Variants in CRISP2 observed in about 807,000 individuals in gnomAD.
The protein encoded by CRISP2 is cysteine-rich secretory protein 2.
A neutral mutation model predicts 31.7 loss-of-function variants in CRISP2; 29 were observed. The observed-to-expected ratio is 0.92, with a 90% CI of 0.68 to 1.25. The LOEUF (loss-of-function observed/expected upper bound fraction) is 1.25. Ranked by LOEUF, CRISP2 falls within the 50% of genes most tolerant of loss-of-function variation. The pLI, the probability that CRISP2 is intolerant of heterozygous loss-of-function variation, is 0.00. For synonymous variants in CRISP2, 111 were observed against 101.4 expected (o/e 1.09, Z -0.57); for missense variants, 318 against 286.5 (o/e 1.11, Z -0.79).
the CRISP2 span, among the ~76,000 whole-genome samples, chr6:49,683,225 G>A: frequency 1.3e-5 from 2 of 151,346 alleles, no homozygotes; most frequent in Admixed American, 6.6e-5. Flanking sequence ...ATACAATACA[G>A]CACACAAAAT....
intron 6 of CRISP2, among the ~76,000 whole-genome samples, 189 bp downstream of exon 6, chr6:49,699,615 T>C (rs116770143): frequency 0.013 from 1,904 of 152,240 alleles, 34 homozygotes; most frequent in African/African-American, 0.042. Flanking sequence ...TTGCATAATG[T>C]ACACAATAAA....
chr6:49,690,955 GT>G (rs572745952), downstream of CRISP2, among the ~76,000 whole-genome samples: 1,124 of 144,362 alleles, frequency 7.8e-3, 17 homozygotes, highest in South Asian at 0.056. Flanking sequence ...GGTATAGAGG[GT>G]TTTTTTTTTT....
At position 49,699,850 on chromosome 6, in the gene CRISP2, T is replaced by G; in HGVS notation, c.225A>C (p.Ala75=). 1 of 1,612,780 alleles carries G rather than the reference T, an allele frequency of 6.2e-7. No individual in the cohort carries two copies. Among genetic ancestry groups the G allele is most frequent in the Non-Finnish European group, 8.5e-7 (1 of 1,179,202 alleles). The change falls in exon 6 of 10, where the codon GCA becomes GCC. Residue 75 remains alanine (A), a synonymous_variant. Transcript: ENST00000339139. The part of the protein sequence containing the change: ...REVTTNAQRW[A]NKCTLQHSDP... The stretch of plus-strand genomic sequence containing the variant: ...CACTATGTTGTAAAGTGCACTTGTT[T>G]GCCCACCTTTGGGCATTCGTTGTTA...
the CRISP2 span, among the ~76,000 whole-genome samples, chr6:49,680,411 A>T: frequency 6.6e-6 from 1 of 152,128 alleles, no homozygotes; most frequent in Non-Finnish European, 1.5e-5. Flanking sequence ...ATTGATGGGC[A>T]TTTAGGTTGA....
chr6:49,710,269 G>A (rs1007769925), intron 3 of CRISP2, among the ~76,000 whole-genome samples: 9 of 152,174 alleles, frequency 5.9e-5, no homozygotes, highest in Non-Finnish European at 1.3e-4. Flanking sequence ...CATGGAAAAT[G>A]ATATACAATT....
intron 4 of CRISP2, among the ~76,000 whole-genome samples, chr6:49,702,180 T>TAA (rs1766183322): frequency 7.4e-4 from 92 of 125,038 alleles, no homozygotes; most frequent in African/African-American, 2.6e-3. Flanking sequence ...TATATATATA[T>TAA]ATAACATTTT....
chr6:49,681,615 A>C, the CRISP2 span, among the ~76,000 whole-genome samples: 1 of 152,210 alleles, frequency 6.6e-6, no homozygotes, highest in African/African-American at 2.4e-5. Context: ...TTAGTGTAGC[A>C]AATTTAAAAA....
chr6:49,707,590 A>T (rs1234025288), intron 4 of CRISP2, among the ~76,000 whole-genome samples: 1 of 152,226 alleles, frequency 6.6e-6, no homozygotes, highest in Non-Finnish European at 1.5e-5. Context: ...TGAAAAGAAC[A>T]GCAAATTATT....
the CRISP2 span, among the ~76,000 whole-genome samples, chr6:49,683,244 C>T: frequency 1.3e-5 from 2 of 151,854 alleles, no homozygotes; most frequent in Non-Finnish European, 2.9e-5. Flanking sequence ...ATCTTAATTG[C>T]ATAGCTCATT....
intron 9 of CRISP2, 68 bp from the exon 10 acceptor site, chr6:49,692,968 AGT>A (rs1764165628): frequency 6.4e-7 from 1 of 1,562,014 alleles, no homozygotes; most frequent in Non-Finnish European, 8.8e-7. Context: ...ATACATTCAA[AGT>A]GTGTGGGGAG....
intron 4 of CRISP2, among the ~76,000 whole-genome samples, chr6:49,705,455 T>G (rs1766858583): frequency 6.6e-6 from 1 of 152,146 alleles, no homozygotes; most frequent in African/African-American, 2.4e-5. Flanking sequence ...AAGGAGAGAC[T>G]AAGGAGGGCT....
At chr6:49,710,759 A>C (rs1273719098) in intron 3 of CRISP2, among the ~76,000 whole-genome samples, 4 of 152,156 alleles carry the variant, frequency 2.6e-5, no homozygotes, top group Admixed American at 1.3e-4. Flanking sequence ...ATATTGCTGT[A>C]ATTTACCTTC....
chr6:49,680,428 G>T, the CRISP2 span, among the ~76,000 whole-genome samples: 1 of 152,124 alleles, frequency 6.6e-6, no homozygotes. Flanking sequence ...TTGATTCCAT[G>T]TCTTTGCTAT....
chr6:49,708,721 T>A (rs1373255334), intron 4 of CRISP2, among the ~76,000 whole-genome samples: 1 of 152,234 alleles, frequency 6.6e-6, no homozygotes, highest in Admixed American at 6.5e-5. Context: ...TAGCTTGTGA[T>A]AATTTGTTGC....
upstream of CRISP2, among the ~76,000 whole-genome samples, chr6:49,713,998 A>G (rs1055205952): frequency 7.9e-5 from 12 of 152,198 alleles, no homozygotes; most frequent in African/African-American, 2.9e-4. Context: ...AGGCTCCCTC[A>G]TAAACACTTC....
At chr6:49,684,900 T>C in the CRISP2 span, among the ~76,000 whole-genome samples, 53,448 of 152,052 alleles carry the variant, frequency 0.35, 9,909 homozygotes, top group Non-Finnish European at 0.42. Flanking sequence ...CTTTGGCTCA[T>C]AGAGACTTTT....
intron 4 of CRISP2, among the ~76,000 whole-genome samples, chr6:49,704,008 A>C (rs961280222): frequency 6.6e-6 from 1 of 152,006 alleles, no homozygotes; most frequent in Non-Finnish European, 1.5e-5. Context: ...AGCTTTGGTG[A>C]TTTAATGTAA....
Position 49,700,668 on chromosome 6 carries a change from C to T in CRISP2, c.183G>A (p.Met61Ile). The change falls in exon 5 of 10, where the codon ATG becomes ATA. Residue 61 changes from methionine (M) to isoleucine (I), a missense_variant and splice_region_variant. Met to Ile is a conservative substitution (Grantham distance 10). Transcript: ENST00000339139. ...VSPPASNMLK[M>I]EWSREVTTNA... The stretch of plus-strand genomic sequence containing the variant: ...ATCTCCTTACAGCACTGCCTCTTAC[C>T]ATCTTTAGCATGTTACTGGCAGGTG... The T allele has an allele frequency of 6.3e-7, 1 of 1,585,828 alleles. No individual in the cohort carries two copies. Among genetic ancestry groups the T allele is most frequent in the Non-Finnish European group, 8.7e-7 (1 of 1,154,970 alleles).
chr6:49,688,536 G>C (rs1038948834), downstream of CRISP2, among the ~76,000 whole-genome samples: 2 of 151,966 alleles, frequency 1.3e-5, no homozygotes, highest in Non-Finnish European at 2.9e-5. Context: ...TAAGGTACAG[G>C]CCAAAAAGCC....
Sources: gnomAD v4.1 joint callset for allele counts (sites outside exome capture counted in the v4.1 genomes callset) on GRCh38, gnomAD v4.1.1 for gene constraint, MANE v1.5 for transcripts, NCBI Gene and HGNC (gene_info 2026-07-23, HGNC 2026-07-21) for gene names.